F5: variants seen among roughly 807,000 people sequenced by gnomAD.
F5 encodes activated protein c cofactor.
F5 carries 138 observed loss-of-function variants against 216.4 expected under a neutral mutation model. The ratio of observed to expected loss-of-function variants is 0.64; its 90% CI spans 0.56 to 0.73. F5 has a LOEUF of 0.73. F5 is among the 30% of genes least tolerant of loss of function. The pLI, the probability that F5 is intolerant of heterozygous loss-of-function variation, is 0.00. For missense variants in F5, 2,403 were observed against 2,674.0 expected, an observed-to-expected ratio of 0.90 and a Z score of 2.24; for synonymous variants, 916 against 930.7, an observed-to-expected ratio of 0.98 and a Z score of 0.29.
In F5 at chr1:169,541,869, T is replaced by A; in HGVS notation, c.3221A>T (p.Asn1074Ile). The A allele has an allele frequency of 1.2e-6, 2 of 1,614,096 alleles. No homozygotes were observed. The highest frequency in any genetic ancestry group is 1.7e-6 in the Non-Finnish European group (2 of 1,179,976). ...GAGGTCTGTGGGAAGAGATGTTTCA[T>A]TGGATTTATGAAGCACCAACGAATG... ...LKHSLVLHKS[N>I]ETSLPTDLNQ... Residue 1074 changes from asparagine (N) to isoleucine (I), a missense_variant, in exon 13 of 25, where the codon AAT (asparagine) becomes ATT (isoleucine). Asn to Ile is a moderately radical substitution (Grantham distance 149). Coordinates refer to ENST00000367797, the MANE Select transcript of F5 (RefSeq NM_000130.5).
At chr1:169,547,838 T>C (rs192036936) in intron 10 of F5, among the ~76,000 whole-genome samples, 33 of 152,252 alleles carry the variant, frequency 2.2e-4, no homozygotes, top group Admixed American at 1.4e-3. Flanking sequence ...TTCCATTACT[T>C]GGTATGTACC....
At chr1:169,530,727 G>T in intron 15 of F5, 59 bp downstream of exon 15, 1 of 1,419,598 alleles carries the variant, frequency 7.0e-7, no homozygotes, top group Non-Finnish European at 1.0e-6. Context: ...TCTTCCATTT[G>T]GTGGACTTCA....
intron 13 of F5, 83 bp from the exon 14 acceptor site, chr1:169,536,763 G>A (rs906821692): frequency 2.8e-6 from 3 of 1,076,610 alleles, no homozygotes; most frequent in Non-Finnish European, 4.2e-6. Context: ...TCTAAATATA[G>A]CATCTAGCAT....
In F5 at chr1:169,530,970, A is replaced by G. The variant is rs777199135; in HGVS notation, c.5024T>C (p.Leu1675Pro). The G allele has an allele frequency of 5.6e-6, 9 of 1,613,756 alleles. No individual in the cohort carries two copies. Among genetic ancestry groups the G allele is most frequent in the South Asian group, 1.1e-5 (1 of 91,096 alleles). Residue 1675 changes from leucine (L) to proline (P), a missense_variant, in exon 15 of 25, where the codon CTT becomes CCT. By Grantham distance (98) the Leu-to-Pro change is moderately conservative. Coordinates refer to ENST00000367797, the MANE Select transcript of F5 (RefSeq NM_000130.5). Reference protein sequence around the residue: ...SRPYSLHAHGLSYEKSSEGKT... With the variant: ...SRPYSLHAHGPSYEKSSEGKT... ...TCCCTCTGATGATTTTTCATAGGAA[A>G]GTCCATGGGCATGTAGAGAATACGG...
chr1:169,542,096 G>A lies in F5; in HGVS notation c.2994C>T (p.His998=), dbSNP rs1020584667. 7 of 1,614,018 alleles carry A rather than the reference G, an allele frequency of 4.3e-6. No homozygotes were observed. The highest frequency in any genetic ancestry group is 4.2e-6 in the Non-Finnish European group (5 of 1,180,014). The change falls in exon 13 of 25, where the codon CAC becomes CAT. Residue 998 remains histidine, a synonymous_variant. Transcript: ENST00000367797. ...LANKPGKQSG[H]PKFPRVRHKS... ...TATGTCTAACTCTAGGAAACTTTGG[G>A]TGGCCACTCTGCTTTCCAGGCTTGT...
chr1:169,557,750 T>A (rs1660365578), intron 5 of F5, among the ~76,000 whole-genome samples: 1 of 151,878 alleles, frequency 6.6e-6, no homozygotes, highest in African/African-American at 2.4e-5. Flanking sequence ...AGGCTTGTTT[T>A]TTTTAGGAGA....
chr1:169,580,585 T>C lies in F5; in HGVS notation c.250+1846A>G, dbSNP rs575500553. Reference sequence around the variant, plus strand: ...TTTCAGTAGAGGCGGGGTTTCACCATGTGGGCCAGGCTGGTCTGGAACTCC... The same window carrying C: ...TTTCAGTAGAGGCGGGGTTTCACCACGTGGGCCAGGCTGGTCTGGAACTCC... On this transcript the variant is annotated intron_variant, in intron 2 of 24. Coordinates refer to ENST00000367797, the MANE Select transcript of F5 (RefSeq NM_000130.5). Among the ~76,000 whole-genome samples the C allele has an allele frequency of 4.6e-5, 7 of 152,222 alleles. No homozygotes were observed. In the South Asian group the frequency reaches 1.5e-3, roughly 32 times the overall value.
chr1:169,564,266 A>G (rs1660549615), intron 3 of F5, among the ~76,000 whole-genome samples: 1 of 152,118 alleles, frequency 6.6e-6, no homozygotes, highest in Non-Finnish European at 1.5e-5. Context: ...GCAGATCAGT[A>G]TTCAACTTGA....
In F5 at chr1:169,542,855, A is replaced by G. The variant is rs6017; in HGVS notation, c.2235T>C (p.Asn745=). 0.27 allele frequency: 434,533 copies of G among 1,613,564 alleles called. 60,157 individuals are homozygous for G. Among genetic ancestry groups the G allele is most frequent in the Admixed American group, 0.39 (23,501 of 59,996 alleles). Residue 745 remains asparagine, a synonymous_variant, in exon 13 of 25, where the codon AAT becomes AAC. Coordinates refer to ENST00000367797, the MANE Select transcript of F5 (RefSeq NM_000130.5). Reference sequence around the variant, plus strand: ...TAAGATTGAACTCTTCTTCTTCCTGATTCAATGATGAGTTTCGGAATGACC... The same window carrying G: ...TAAGATTGAACTCTTCTTCTTCCTGGTTCAATGATGAGTTTCGGAATGACC... ...GIRSFRNSSL[N]QEEEEFNLTA...
rs762458055 is a variant in F5, at chr1:169,540,719, A to G, written c.4371T>C (p.Pro1457=). 2.5e-5 allele frequency: 40 copies of G among 1,613,948 alleles called. No individual in the cohort carries two copies. Among genetic ancestry groups the G allele is most frequent in the Non-Finnish European group, 3.1e-5 (36 of 1,179,980 alleles). ...LLPDLSQISP[P]PDLDQIFYPS... ...GGTAGAATATCTGATCAAGGTCTGG[A>G]GGAGGTGATATCTGGCTGAGATCCG... is the stretch of plus-strand genomic sequence containing the variant. The change falls in exon 13 of 25, where the codon CCT becomes CCC. Residue 1457 remains proline (P), a synonymous_variant. Coordinates refer to ENST00000367797, the MANE Select transcript of F5 (RefSeq NM_000130.5).
At position 169,560,532 on chromosome 1, in the gene F5, C is replaced by A. The variant is rs748002104; in HGVS notation, c.586+22G>T. 4 of 1,610,710 alleles carry A rather than the reference C, an allele frequency of 2.5e-6. No homozygotes were observed. The South Asian group carries it at 4.4e-5, about 18-fold the overall frequency. On this transcript the variant is annotated intron_variant, in intron 4 of 24. Transcript: ENST00000367797. ...CCATTCCAACATTTAGTTGTTGAAT[C>A]TTTTGGTGGGGGTGTTCTTACCTTT...
At position 169,568,701 on chromosome 1, in the gene F5, C is replaced by T. The variant is rs143513141; in HGVS notation, c.373+3520G>A. Among the ~76,000 whole-genome samples the T allele has an allele frequency of 6.9e-3, 1,055 of 152,198 alleles. 4 individuals are homozygous for T. Among genetic ancestry groups the T allele is most frequent in the Admixed American group, 0.014 (207 of 15,272 alleles). On this transcript the variant is annotated intron_variant, in intron 3 of 24. Coordinates refer to ENST00000367797, the MANE Select transcript of F5 (RefSeq NM_000130.5). ...TACTCAGTTCTGTTCATTTCCTGCTCAGTCGATAGTCAGCTTTGTATTGTA... is the reference window on the plus strand; with the variant it reads ...TACTCAGTTCTGTTCATTTCCTGCTTAGTCGATAGTCAGCTTTGTATTGTA...
chr1:169,550,297 C>CT (rs1415988988), intron 9 of F5, among the ~76,000 whole-genome samples: 3 of 133,090 alleles, frequency 2.3e-5, no homozygotes, highest in Non-Finnish European at 3.3e-5. Context: ...CACCCCCCCC[C>CT]CCCGACAGGC....
intron 7 of F5, among the ~76,000 whole-genome samples, chr1:169,554,572 T>C (rs929242104): frequency 6.6e-6 from 1 of 152,238 alleles, no homozygotes; most frequent in Non-Finnish European, 1.5e-5. Flanking sequence ...ATTTCCAGAG[T>C]GAGATAGCTG....
At chr1:169,550,110 G>T in intron 9 of F5, 95 bp from the exon 10 acceptor site, 1 of 962,114 alleles carries the variant, frequency 1.0e-6, no homozygotes, top group Non-Finnish European at 1.6e-6. Flanking sequence ...AATTAATATT[G>T]CAAAAGGAAT....
chr1:169,525,923 C>G lies in F5; in HGVS notation c.5694G>C (p.Thr1898=), dbSNP rs112493466. The G allele has an allele frequency of 1.9e-6, 3 of 1,612,704 alleles. 1 individual carries two copies. In the South Asian group the frequency reaches 3.3e-5, roughly 18 times the overall value. The part of the protein sequence containing the change: ...VGENQRAGMQ[T]PFLIMDRDCR... ...TACCTCTGTCCATGATAAGAAATGG[C>G]GTTTGCATCCCTGCTCTCTGGTTTT... Residue 1898 remains threonine, a synonymous_variant, in exon 18 of 25, where the codon ACG becomes ACC. Coordinates refer to ENST00000367797, the MANE Select transcript of F5 (RefSeq NM_000130.5).
At chr1:169,533,482 T>C (rs1659635080) in intron 14 of F5, among the ~76,000 whole-genome samples, 2 of 152,106 alleles carry the variant, frequency 1.3e-5, no homozygotes, top group South Asian at 4.1e-4. Flanking sequence ...GAAAAAATAT[T>C]CACAAAGTAT....
chr1:169,516,129 A>C (rs1158012914), intron 23 of F5, among the ~76,000 whole-genome samples: 3 of 152,196 alleles, frequency 2.0e-5, no homozygotes, highest in African/African-American at 7.2e-5. Context: ...TTTACAAAAC[A>C]CAACTTCTCT....
At chr1:169,565,044 C>A (rs2101835661) in intron 3 of F5, among the ~76,000 whole-genome samples, 1 of 152,070 alleles carries the variant, frequency 6.6e-6, no homozygotes, top group East Asian at 1.9e-4. Context: ...CCCTTGGGTC[C>A]CCTGTCAGTT....
Sources: gnomAD v4.1 joint callset for allele counts (sites outside exome capture counted in the v4.1 genomes callset) on GRCh38, gnomAD v4.1.1 for gene constraint, MANE v1.5 for transcripts, NCBI Gene and HGNC (gene_info 2026-07-23, HGNC 2026-07-21) for gene names.